MAX: variants seen among roughly 807,000 people sequenced by gnomAD.
MAX encodes the protein protein max.
A neutral mutation model predicts 22.3 loss-of-function variants in MAX; 3 were observed. That is an observed-to-expected ratio of 0.13 (90% CI 0.06 to 0.35). MAX has a LOEUF of 0.35. Ranked by LOEUF, MAX falls within the 10% of genes least tolerant of loss-of-function variation. The probability of loss-of-function intolerance (pLI) is 1.00; values close to 1 mark genes in which losing one functional copy is unlikely to be tolerated. For missense variants in MAX, 119 were observed against 209.4 expected (o/e 0.57, Z 2.66); for synonymous variants, 72 against 77.7 (o/e 0.93, Z 0.39).
At chr14:65,015,486 T>C (rs1160268936) in intron 3 of MAX, 2 of 538,036 alleles carry the variant, frequency 3.7e-6, no homozygotes, top group Non-Finnish European at 6.4e-6. Context: ...AAGTGTCCTT[T>C]ATTCACTGAT....
At chr14:65,073,109 T>C (rs993567411), downstream of MAX, among the ~76,000 whole-genome samples, 6 of 152,186 alleles carry the variant, frequency 3.9e-5, no homozygotes, top group Non-Finnish European at 8.8e-5. Context: ...ATAAGCATTA[T>C]CTCATTTAAG....
rs1181578499 is a variant in MAX at position 65,066,519 on chromosome 14, C to T, written c.171+27189G>A. On this transcript the variant is annotated intron_variant, in intron 3 of 3. Coordinates refer to the MAX transcript ENST00000341653. ...CTTAATGGAAACTTTCCCTTGCCCT[C>T]TGCTCCCCCTGAGGAAATACAGCGC... Among the ~76,000 whole-genome samples the T allele has an allele frequency of 2.0e-5, 3 of 152,194 alleles. No individual in the cohort carries two copies. In the East Asian group the frequency reaches 5.8e-4, roughly 29 times the overall value.
rs753133724 is a variant in MAX, at chr14:65,054,471, G to T, written c.171+39237C>A. Reference sequence around the variant, plus strand: ...CCTCCTCTAGCCACATGGAGGATGGGGGGGGACGTGTGATTGCACCAGTGG... The same window carrying T: ...CCTCCTCTAGCCACATGGAGGATGGTGGGGGACGTGTGATTGCACCAGTGG... On this transcript the variant is annotated intron_variant, in intron 3 of 3. Coordinates refer to the MAX transcript ENST00000341653. The surrounding 1 kb of genome is among the most constrained non-coding windows in gnomAD (Gnocchi z 4.4). 1.9e-5 allele frequency: 22 copies of T among 1,163,950 alleles called. No homozygotes were observed. In the East Asian group the frequency reaches 2.1e-4, roughly 11 times the overall value. 72.1% of individuals were successfully genotyped at this position (1,163,950 alleles called of 1,614,324 possible).
In MAX at chr14:65,056,142, A is replaced by G. The variant is rs532844752; in HGVS notation, c.171+37566T>C. Among the ~76,000 whole-genome samples the G allele has an allele frequency of 2.0e-5, 3 of 152,210 alleles. No homozygotes were observed. The South Asian group carries it at 6.2e-4, about 32-fold the overall frequency. On this transcript the variant is annotated intron_variant, in intron 3 of 3. Transcript: ENST00000341653. ...ATAACAGTTGCTTGCATGTTTTCAAACTTTTTGTAATGGTACCTACTGTAC... is the reference window on the plus strand; with the variant it reads ...ATAACAGTTGCTTGCATGTTTTCAAGCTTTTTGTAATGGTACCTACTGTAC...
chr14:65,077,892 C>A lies in MAX; in HGVS notation c.295+21G>T. 1 of 1,614,204 alleles carries A rather than the reference C, an allele frequency of 6.2e-7. No individual in the cohort carries two copies. Among genetic ancestry groups the A allele is most frequent in the East Asian group, 2.2e-5 (1 of 44,878 alleles). ...GCTGGAGCACAGCAGGGCCAGCTGC[C>A]CCACGAGCTCGGGTGCTCACCTTGC... is the stretch of plus-strand genomic sequence containing the variant. On this transcript the variant is annotated intron_variant, in intron 4 of 4. Transcript: ENST00000358664. This position sits in a 1 kb window ranked among gnomAD's most constrained non-coding sequence, Gnocchi z 6.3.
intron 3 of MAX, among the ~76,000 whole-genome samples, chr14:65,057,446 T>C (rs982124771): frequency 8.5e-5 from 13 of 152,286 alleles, no homozygotes; most frequent in Non-Finnish European, 1.3e-4. Context: ...AAAAATATTT[T>C]AATATTTTAA....
rs975543971 is a variant in MAX, at chr14:65,088,588, G to C, written c.171+5120C>G. On this transcript the variant is annotated intron_variant, in intron 3 of 4. Coordinates refer to ENST00000358664, the MANE Select transcript of MAX (RefSeq NM_002382.5). The surrounding 1 kb of genome is among the most constrained non-coding windows in gnomAD (Gnocchi z 5.2). ...ATAGACATAGGTTACCGAATGAACT[G>C]TCAGCCTTAAACGCATCAACAGGAA... Among the ~76,000 whole-genome samples the C allele has an allele frequency of 1.3e-5, 2 of 152,226 alleles. No individual in the cohort carries two copies. The highest frequency in any genetic ancestry group is 2.4e-5 in the African/African-American group (1 of 41,460).
rs1328025923 is a variant in MAX at position 65,102,427 on chromosome 14, C to G, written c.-88G>C. 4.5e-6 allele frequency: 7 copies of G among 1,560,176 alleles called. No homozygotes were observed. Among genetic ancestry groups the G allele is most frequent in the Non-Finnish European group, 6.1e-6 (7 of 1,155,012 alleles). On this transcript the variant is annotated 5_prime_UTR_variant, in exon 1 of 5. Coordinates refer to ENST00000358664, the MANE Select transcript of MAX (RefSeq NM_002382.5). Reference sequence around the variant, plus strand: ...GGGGAAGTCACCGACAACAACAAGCCGAGTCCCCCCCACACACACACTCAC... The same window carrying G: ...GGGGAAGTCACCGACAACAACAAGCGGAGTCCCCCCCACACACACACTCAC...
intron 3 of MAX, among the ~76,000 whole-genome samples, chr14:65,046,831 G>A (rs1018680320): frequency 7.1e-6 from 1 of 140,980 alleles, no homozygotes; most frequent in South Asian, 2.3e-4. Flanking sequence ...TATCTAGGAT[G>A]TGAAGTTACA....
chr14:65,096,551 G>A (rs932930138), intron 2 of MAX, among the ~76,000 whole-genome samples: 9 of 152,018 alleles, frequency 5.9e-5, no homozygotes, highest in African/African-American at 2.2e-4. Context: ...CACCCCCATT[G>A]GAGGACTAGT....
chr14:65,096,805 T>C (rs1007954593), intron 2 of MAX, among the ~76,000 whole-genome samples: 4 of 152,164 alleles, frequency 2.6e-5, no homozygotes, highest in Non-Finnish European at 5.9e-5. Context: ...AAACAAATGG[T>C]ACGGAAAACC....
At chr14:65,094,283 G>A (rs1448670894) in intron 2 of MAX, 1 of 232,316 alleles carries the variant, frequency 4.3e-6, no homozygotes. Flanking sequence ...CTTCTTTAAT[G>A]TGAAACCATC....
chr14:65,023,967 C>T lies in MAX; in HGVS notation c.172-17683G>A, dbSNP rs2061933885. On this transcript the variant is annotated intron_variant, in intron 3 of 3. Transcript: ENST00000341653. The surrounding 1 kb of genome is among the most constrained non-coding windows in gnomAD (Gnocchi z 4.1). The stretch of plus-strand genomic sequence containing the variant: ...AAATACAAAAATTAGCTGGGCGTGG[C>T]GGCATGCACCTGTAGTCCCAGCTAC... Among the ~76,000 whole-genome samples, 2 of 151,828 alleles carry T rather than the reference C, an allele frequency of 1.3e-5. No homozygotes were observed. The highest frequency in any genetic ancestry group is 4.2e-4 in the South Asian group (2 of 4,812).
chr14:65,080,598 T>C (rs905882270), intron 3 of MAX, among the ~76,000 whole-genome samples: 1 of 152,224 alleles, frequency 6.6e-6, no homozygotes, highest in African/African-American at 2.4e-5. Flanking sequence ...TTTCTCACCT[T>C]GCCTATTCCT....
chr14:65,011,808 A>G lies in MAX; in HGVS notation c.172-5524T>C, dbSNP rs1029300101. Among the ~76,000 whole-genome samples the G allele has an allele frequency of 6.6e-6, 1 of 152,226 alleles. No individual in the cohort carries two copies. The highest frequency in any genetic ancestry group is 2.4e-5 in the African/African-American group (1 of 41,448). On this transcript the variant is annotated intron_variant, in intron 3 of 3. Transcript: ENST00000341653. This position sits in a 1 kb window ranked among gnomAD's most constrained non-coding sequence, Gnocchi z 4.0. ...GGTCACACGTGGGAGGTGGAATTTC[A>G]GGGAGAGAATAATAGTTGGATAACC... is the stretch of plus-strand genomic sequence containing the variant.
chr14:65,044,737 G>A lies in MAX; in HGVS notation c.172-38453C>T, dbSNP rs2139645492. On this transcript the variant is annotated intron_variant, in intron 3 of 3. Transcript: ENST00000341653. The surrounding 1 kb of genome is among the most constrained non-coding windows in gnomAD (Gnocchi z 5.5). ...GGCGCTGCTTCTGCGTTATCTGGAA[G>A]GAGCAGCCCACTCCTGTCCTGGGCT... The A allele has an allele frequency of 2.5e-6, 1 of 407,904 alleles. No individual in the cohort carries two copies. Among genetic ancestry groups the A allele is most frequent in the Middle Eastern group, 3.2e-4 (1 of 3,164 alleles). The allele number at this position is 407,904 out of a possible 1,614,324, so 25.3% of individuals were successfully genotyped here.
Position 65,077,781 on chromosome 14 carries a change from C to G in MAX, c.295+132G>C. 6.2e-7 allele frequency: 1 copy of G among 1,613,746 alleles called. No individual in the cohort carries two copies. Among genetic ancestry groups the G allele is most frequent in the Non-Finnish European group, 8.5e-7 (1 of 1,179,938 alleles). ...GCTCTAACACTCAGTTACTCAGGCC[C>G]CAAGAAGCAGGACCAAGCCTGCTAC... On this transcript the variant is annotated intron_variant, in intron 4 of 4. Transcript: ENST00000358664. This position sits in a 1 kb window ranked among gnomAD's most constrained non-coding sequence, Gnocchi z 6.3.
chr14:65,025,406 T>G (rs758120844), intron 3 of MAX, among the ~76,000 whole-genome samples: 16 of 152,232 alleles, frequency 1.1e-4, no homozygotes, highest in Admixed American at 3.9e-4. Context: ...GCAGCCAGCC[T>G]TTGTTAGGGC....
Position 65,096,528 on chromosome 14 carries a change from C to G in MAX, c.64-2713G>C, listed in dbSNP as rs188183428. Among the ~76,000 whole-genome samples, 148 of 152,152 alleles carry G rather than the reference C, an allele frequency of 9.7e-4. 1 individual carries two copies. The highest frequency in any genetic ancestry group is 1.7e-3 in the Non-Finnish European group (117 of 68,004). On this transcript the variant is annotated intron_variant, in intron 2 of 4. Transcript: ENST00000358664. ...ATCCACCCAGACCAATAACACTGCC[C>G]GCGCCTCATCCCCACCCCCATTGGA... is the stretch of plus-strand genomic sequence containing the variant.
Sources: gnomAD v4.1 joint callset for allele counts (sites outside exome capture counted in the v4.1 genomes callset) on GRCh38, gnomAD v4.1.1 for gene constraint, Gnocchi (gnomAD v3.1) non-coding constraint, MANE v1.5 for transcripts, NCBI Gene and HGNC (gene_info 2026-07-23, HGNC 2026-07-21) for gene names.